The following GLIS3 variants were observed in gnomAD, a reference collection of about 807,000 sequenced individuals.
The protein encoded by GLIS3 is GLIS family zinc finger 3.
Under a neutral mutation model 78.6 loss-of-function variants are expected in GLIS3, and 53 were observed. The observed-to-expected ratio is 0.67, with a 90% CI of 0.54 to 0.85. The LOEUF is 0.85. Among genes scored for constraint, GLIS3 ranks in the 40% least tolerant of loss-of-function variants. The probability of loss-of-function intolerance (pLI) is 0.00; values close to 1 mark genes in which losing one functional copy is unlikely to be tolerated. For missense variants in GLIS3, 1,703 were observed against 1,231.1 expected (o/e 1.38, Z -5.74); for synonymous variants, 684 against 509.9 (o/e 1.34, Z -4.60).
chr9:4,162,721 G>A (rs949258372), intron 2 of GLIS3, among the ~76,000 whole-genome samples: 6 of 151,998 alleles, frequency 3.9e-5, no homozygotes, highest in African/African-American at 1.2e-4. Context: ...GCTGGGCATA[G>A]TGGCACACAC....
the GLIS3 span, among the ~76,000 whole-genome samples, chr9:4,472,544 G>A: frequency 3.8e-3 from 574 of 151,836 alleles, 3 homozygotes; most frequent in African/African-American, 0.013. Flanking sequence ...ACTCATAAGT[G>A]GGAACTGAAC....
intron 9 of GLIS3, among the ~76,000 whole-genome samples, chr9:3,834,235 C>T (rs1219549711): frequency 6.6e-6 from 1 of 151,904 alleles, no homozygotes; most frequent in Admixed American, 6.6e-5. Flanking sequence ...ATAAAGCAGC[C>T]CCATAAAGCT....
the GLIS3 span, among the ~76,000 whole-genome samples, chr9:4,476,447 C>T: frequency 2.6e-5 from 4 of 151,982 alleles, no homozygotes; most frequent in Admixed American, 1.3e-4. Flanking sequence ...CTGCAACCTC[C>T]GCCTCCTGGG....
chr9:4,190,189 C>T (rs1489345132), intron 2 of GLIS3, among the ~76,000 whole-genome samples: 3 of 152,202 alleles, frequency 2.0e-5, no homozygotes, highest in African/African-American at 7.2e-5. Context: ...CGGAGAATGA[C>T]TTTGACGAGT....
At chr9:4,354,592 A>C in the GLIS3 span, among the ~76,000 whole-genome samples, 1 of 152,180 alleles carries the variant, frequency 6.6e-6, no homozygotes, top group Non-Finnish European at 1.5e-5. Context: ...TCCCAGGCAC[A>C]GTTTAGCACA....
the GLIS3 span, among the ~76,000 whole-genome samples, chr9:4,476,508 C>A: frequency 6.6e-6 from 1 of 151,946 alleles, no homozygotes; most frequent in Non-Finnish European, 1.5e-5. Flanking sequence ...ATTACAGGTG[C>A]CTGCCACCAT....
chr9:4,308,063 C>T (rs1159552490), intron 4 of GLIS3, among the ~76,000 whole-genome samples: 2 of 152,146 alleles, frequency 1.3e-5, no homozygotes, highest in Admixed American at 6.5e-5. Context: ...GAACACTGTC[C>T]TTACAGTATT....
intron 1 of GLIS3, among the ~76,000 whole-genome samples, chr9:4,298,177 G>T (rs1364834698): frequency 2.0e-5 from 3 of 151,996 alleles, no homozygotes; most frequent in Non-Finnish European, 4.4e-5. Context: ...GGACCTGCGC[G>T]CGCTGCCCGG....
the GLIS3 span, among the ~76,000 whole-genome samples, chr9:4,471,372 T>G: frequency 1.3e-5 from 2 of 152,108 alleles, no homozygotes; most frequent in Non-Finnish European, 2.9e-5. Context: ...CAGGCTACAG[T>G]AACCAAAACA....
chr9:4,366,129 A>T, the GLIS3 span, among the ~76,000 whole-genome samples: 15 of 152,230 alleles, frequency 9.9e-5, 1 homozygote, highest in South Asian at 2.7e-3. Flanking sequence ...GAGATAGGAC[A>T]GAGGATATAA....
chr9:3,917,123 T>C (rs1481936276), intron 6 of GLIS3, among the ~76,000 whole-genome samples: 1 of 152,228 alleles, frequency 6.6e-6, no homozygotes, highest in Admixed American at 6.5e-5. Context: ...AAATGCAGTG[T>C]TGCAATTCCA....
chr9:4,185,357 C>G (rs1817690903), intron 2 of GLIS3, among the ~76,000 whole-genome samples: 4 of 152,298 alleles, frequency 2.6e-5, no homozygotes, highest in Non-Finnish European at 5.9e-5. Flanking sequence ...CATTCACCAG[C>G]TGATGGACAT....
At chr9:3,829,527 T>C (rs1817926233) in intron 9 of GLIS3, 35 bp from the exon 10 acceptor site, 3 of 1,610,760 alleles carry the variant, frequency 1.9e-6, no homozygotes, top group South Asian at 1.1e-5. Flanking sequence ...CACAAGTTCC[T>C]TTGGGCACAA....
At chr9:4,251,524 C>T (rs1208152351) in intron 2 of GLIS3, among the ~76,000 whole-genome samples, 2 of 151,632 alleles carry the variant, frequency 1.3e-5, no homozygotes, top group South Asian at 2.1e-4. Flanking sequence ...AGATGAGTCT[C>T]CTGAATACAG....
intron 6 of GLIS3, among the ~76,000 whole-genome samples, chr9:3,923,532 GCAGCACA>G (rs1825032401): frequency 6.6e-6 from 1 of 151,730 alleles, no homozygotes. Context: ...TGGAAAAGCA[GCAGCACA>G]TTTGGAAGAC....
intron 2 of GLIS3, among the ~76,000 whole-genome samples, chr9:4,273,910 T>C (rs146595638): frequency 2.8e-3 from 430 of 152,302 alleles, no homozygotes; most frequent in African/African-American, 0.01. Flanking sequence ...TACCCTGCCC[T>C]GCACCTCCAT....
intron 4 of GLIS3, among the ~76,000 whole-genome samples, chr9:3,999,811 A>G (rs1320450256): frequency 6.6e-6 from 1 of 152,172 alleles, no homozygotes; most frequent in Non-Finnish European, 1.5e-5. Context: ...CAGCCAAGTC[A>G]GGTTTAAAGA....
chr9:4,348,244 C>G lies in GLIS3; in HGVS notation n.149G>C, dbSNP rs1249869509. 3 of 152,144 alleles carry G rather than the reference C, an allele frequency of 2.0e-5. No individual in the cohort carries two copies. The East Asian group carries it at 5.8e-4, about 29-fold the overall frequency. The allele number at this position is 152,144 out of a possible 1,614,324, so 9.4% of individuals were successfully genotyped here. ...ATTTCTTTCTTACCTGAAAGAAATT[C>G]AGAAATAGGCCATCCATGCTAATAT... On this transcript the variant is annotated non_coding_transcript_exon_variant, in exon 1 of 5. Transcript: ENST00000471664.
the GLIS3 span, among the ~76,000 whole-genome samples, chr9:4,484,241 T>TA: frequency 2.1e-4 from 30 of 144,196 alleles, no homozygotes; most frequent in East Asian, 2.0e-4. Flanking sequence ...TTTTTTTTAT[T>TA]TTTTTTATTT....
Sources: gnomAD v4.1 joint callset for allele counts (sites outside exome capture counted in the v4.1 genomes callset) on GRCh38, gnomAD v4.1.1 for gene constraint, MANE v1.5 for transcripts, NCBI Gene and HGNC (gene_info 2026-07-23, HGNC 2026-07-21) for gene names.